Variants in AMBRA1 observed in about 807,000 individuals in gnomAD.
AMBRA1 encodes activating molecule in BECN1-regulated autophagy protein 1.
A neutral mutation model predicts 125.4 loss-of-function variants in AMBRA1; 47 were observed. The observed-to-expected ratio is 0.37, with a 90% CI of 0.30 to 0.48. AMBRA1 has a LOEUF of 0.48. Ranked by LOEUF, AMBRA1 falls within the 20% of genes least tolerant of loss-of-function variation. AMBRA1 has a pLI of 0.99. For synonymous variants in AMBRA1, 626 were observed against 655.5 expected, an observed-to-expected ratio of 0.95 and a Z score of 0.69; for missense variants, 1,331 against 1,693.4, an observed-to-expected ratio of 0.79 and a Z score of 3.76.
chr11:46,539,705 C>T (rs568561781), intron 7 of AMBRA1, among the ~76,000 whole-genome samples: 2 of 152,292 alleles, frequency 1.3e-5, no homozygotes, highest in African/African-American at 4.8e-5. Context: ...CCTCACTTTC[C>T]TCAACTTTAT....
At chr11:46,500,746 A>G (rs1950807228) in intron 9 of AMBRA1, among the ~76,000 whole-genome samples, 1 of 152,026 alleles carries the variant, frequency 6.6e-6, no homozygotes, top group Non-Finnish European at 1.5e-5. Flanking sequence ...TCCTCGCTAT[A>G]CCCATCACCA....
intron 17 of AMBRA1, among the ~76,000 whole-genome samples, chr11:46,401,659 C>T (rs1484484158): frequency 3.3e-5 from 5 of 152,218 alleles, no homozygotes; most frequent in South Asian, 2.1e-4. Context: ...GGCCCTGCTG[C>T]TGGCACTCAA....
chr11:46,495,750 AT>A (rs972266737), intron 9 of AMBRA1, among the ~76,000 whole-genome samples: 1 of 152,234 alleles, frequency 6.6e-6, no homozygotes, highest in African/African-American at 2.4e-5. Flanking sequence ...GCATACTATT[AT>A]TTTTCAAATA....
chr11:46,517,637 A>G (rs918526218), intron 7 of AMBRA1, among the ~76,000 whole-genome samples: 1 of 150,080 alleles, frequency 6.7e-6, no homozygotes, highest in Non-Finnish European at 1.5e-5. Context: ...GATCGAGACC[A>G]TCCTGGCTAA....
At chr11:46,474,427 C>T (rs1160256696) in intron 11 of AMBRA1, among the ~76,000 whole-genome samples, 1 of 152,144 alleles carries the variant, frequency 6.6e-6, no homozygotes, top group Admixed American at 6.6e-5. Flanking sequence ...CTTGCTCTGT[C>T]GCCCAGGCTG....
chr11:46,432,567 C>G (rs1947504917), intron 14 of AMBRA1, among the ~76,000 whole-genome samples: 1 of 152,102 alleles, frequency 6.6e-6, no homozygotes, highest in African/African-American at 2.4e-5. Context: ...TCCAGATATT[C>G]AACAGCCATC....
chr11:46,416,596 C>G (rs1946557741), intron 15 of AMBRA1, among the ~76,000 whole-genome samples: 1 of 152,230 alleles, frequency 6.6e-6, no homozygotes, highest in South Asian at 2.1e-4. Flanking sequence ...GCCACATGAG[C>G]TGACCCAAAT....
At chr11:46,546,266 C>A (rs1046825173) in intron 4 of AMBRA1, 2 of 153,266 alleles carry the variant, frequency 1.3e-5, no homozygotes, top group Non-Finnish European at 2.9e-5. Context: ...TCTCAAACTC[C>A]TGAACTCAAG....
At chr11:46,450,135 A>G (rs1332588856) in intron 11 of AMBRA1, among the ~76,000 whole-genome samples, 5 of 152,104 alleles carry the variant, frequency 3.3e-5, no homozygotes, top group African/African-American at 1.2e-4. Flanking sequence ...TTATTTATTC[A>G]TAATTGTCAA....
At chr11:46,535,643 T>C (rs146024858) in intron 7 of AMBRA1, among the ~76,000 whole-genome samples, 4 of 152,080 alleles carry the variant, frequency 2.6e-5, no homozygotes, top group African/African-American at 9.6e-5. Flanking sequence ...AGAAAAAAAA[T>C]ACCAACAGCA....
intron 1 of AMBRA1, among the ~76,000 whole-genome samples, chr11:46,567,559 C>T (rs1454314192): frequency 6.6e-6 from 1 of 151,842 alleles, no homozygotes; most frequent in Non-Finnish European, 1.5e-5. Context: ...TGGGGTTTCG[C>T]CATGTTGGCC....
intron 7 of AMBRA1, among the ~76,000 whole-genome samples, chr11:46,514,815 A>G (rs1301390529): frequency 6.6e-6 from 1 of 152,228 alleles, no homozygotes; most frequent in African/African-American, 2.4e-5. Flanking sequence ...AACACATAAA[A>G]TAACGGCATG....
chr11:46,520,570 G>A (rs551433395), intron 7 of AMBRA1, among the ~76,000 whole-genome samples: 7 of 151,072 alleles, frequency 4.6e-5, no homozygotes, highest in Non-Finnish European at 1.0e-4. Context: ...CTCTTCCCCA[G>A]TGCCCCACAG....
intron 15 of AMBRA1, among the ~76,000 whole-genome samples, chr11:46,412,375 C>G (rs1946335800): frequency 6.6e-6 from 1 of 152,170 alleles, no homozygotes; most frequent in Admixed American, 6.5e-5. Flanking sequence ...CCCTGACTTC[C>G]CTGGGCTCAG....
At chr11:46,537,439 GTTCCCTC>G (rs1164787674) in intron 7 of AMBRA1, among the ~76,000 whole-genome samples, 1 of 152,094 alleles carries the variant, frequency 6.6e-6, no homozygotes, top group Non-Finnish European at 1.5e-5. Context: ...AAAGTTCTAG[GTTCCCTC>G]CAGTTTTAAC....
intron 11 of AMBRA1, among the ~76,000 whole-genome samples, chr11:46,479,991 C>T (rs868846709): frequency 9.2e-5 from 14 of 152,112 alleles, no homozygotes; most frequent in Non-Finnish European, 1.3e-4. Context: ...TTGTCCATTT[C>T]GGTTGCTGGC....
Position 46,542,874 on chromosome 11 carries a change from G to A in AMBRA1, c.1143C>T (p.Asn381=), listed in dbSNP as rs188767698. Reference sequence around the variant, plus strand: ...GACCCAGACTGAGGTTGCGGAGCGTGTTGCCGGCAGTGCTGCTCTGGACTG... The same window carrying A: ...GACCCAGACTGAGGTTGCGGAGCGTATTGCCGGCAGTGCTGCTCTGGACTG... ...FSTVQSSTAG[N]TLRNLSLGPT... is the part of the protein sequence containing the mutation. The change falls in exon 7 of 18, where the codon AAC becomes AAT. Residue 381 remains asparagine (N), a synonymous_variant. Transcript: ENST00000683756. The surrounding 1 kb of genome is among the most constrained non-coding windows in gnomAD (Gnocchi z 5.9). 4.2e-5 allele frequency: 68 copies of A among 1,613,230 alleles called. No individual in the cohort carries two copies. In the East Asian group the frequency reaches 1.4e-3, roughly 34 times the overall value.
intron 7 of AMBRA1, among the ~76,000 whole-genome samples, chr11:46,521,153 G>A (rs559487344): frequency 7.9e-4 from 120 of 152,352 alleles, no homozygotes; most frequent in African/African-American, 2.8e-3. Flanking sequence ...AAGACTCTCA[G>A]ACAAGGTTGC....
chr11:46,435,787 A>G (rs1323422120), intron 12 of AMBRA1, among the ~76,000 whole-genome samples: 2 of 152,240 alleles, frequency 1.3e-5, no homozygotes, highest in East Asian at 1.9e-4. Flanking sequence ...TAAGGTGGCA[A>G]GATCTGAGGG....
Sources: allele counts gnomAD v4.1 joint callset (sites outside exome capture counted in the v4.1 genomes callset), GRCh38; gene constraint gnomAD v4.1.1; non-coding constraint Gnocchi (gnomAD v3.1); transcripts MANE v1.5; gene names NCBI Gene and HGNC (gene_info 2026-07-23, HGNC 2026-07-21).